AK9: variants seen among roughly 807,000 people sequenced by gnomAD.
The protein encoded by AK9 is adenylate kinase domain containing 1.
In AK9, 191 loss-of-function variants were observed where a neutral mutation model predicts 239.6. The observed-to-expected ratio is 0.80, with a 90% confidence interval of 0.71 to 0.90. AK9 has a LOEUF of 0.90. Ranked by LOEUF, AK9 falls within the 40% of genes least tolerant of loss-of-function variation. The pLI, the probability that AK9 is intolerant of heterozygous loss-of-function variation, is 0.00. For missense variants in AK9, 1,995 were observed against 2,214.7 expected, an observed-to-expected ratio of 0.90 and a Z score of 1.99; for synonymous variants, 689 against 721.0, an observed-to-expected ratio of 0.96 and a Z score of 0.71.
chr6:109,648,441 C>T (rs1275845895), intron 8 of AK9, among the ~76,000 whole-genome samples: 1 of 152,172 alleles, frequency 6.6e-6, no homozygotes, highest in African/African-American at 2.4e-5. Flanking sequence ...TAGAAACTAT[C>T]ATAAGAGAAT....
At chr6:109,672,939 A>T (rs1583528946) in intron 3 of AK9, among the ~76,000 whole-genome samples, 1 of 152,192 alleles carries the variant, frequency 6.6e-6, no homozygotes, top group East Asian at 1.9e-4. Flanking sequence ...AAAGGAAATG[A>T]ATCAAGAAAT....
intron 24 of AK9, among the ~76,000 whole-genome samples, chr6:109,561,392 T>A (rs1785751661): frequency 6.6e-6 from 1 of 152,214 alleles, no homozygotes; most frequent in Non-Finnish European, 1.5e-5. Flanking sequence ...CTCAGCTCAC[T>A]GAAGCCTCGA....
chr6:109,495,260 C>A, intron 39 of AK9, 78 bp downstream of exon 39: 3 of 1,172,734 alleles, frequency 2.6e-6, no homozygotes, highest in East Asian at 5.1e-5. Flanking sequence ...TTATTGTTCC[C>A]AAAATGAAAA....
At chr6:109,548,931 G>T (rs1283138357) in intron 25 of AK9, among the ~76,000 whole-genome samples, 1 of 152,150 alleles carries the variant, frequency 6.6e-6, no homozygotes, top group African/African-American at 2.4e-5. Flanking sequence ...AAAGTGGACT[G>T]GTCAAGCACA....
At chr6:109,671,541 C>T (rs1248383728) in intron 5 of AK9, among the ~76,000 whole-genome samples, 1 of 152,184 alleles carries the variant, frequency 6.6e-6, no homozygotes, top group East Asian at 1.9e-4. Context: ...ACTTCCCACT[C>T]CCGCCTTCTA....
At chr6:109,685,063 A>C (rs1352027054) in intron 1 of AK9, among the ~76,000 whole-genome samples, 1 of 152,074 alleles carries the variant, frequency 6.6e-6, no homozygotes, top group African/African-American at 2.4e-5. Context: ...GGCAATCATT[A>C]AAAAGTCAGG....
chr6:109,499,786 G>T (rs1777415574), intron 35 of AK9, among the ~76,000 whole-genome samples: 1 of 152,116 alleles, frequency 6.6e-6, no homozygotes, highest in African/African-American at 2.4e-5. Flanking sequence ...TTTTAGTAGA[G>T]ACAGGGTTTT....
rs1780646814 is a variant in AK9 at position 109,527,281 on chromosome 6, C to T, written c.3633+1730G>A. On this transcript the variant is annotated intron_variant, in intron 29 of 40. Coordinates refer to ENST00000424296, the MANE Select transcript of AK9 (RefSeq NM_001145128.3). ...AATGTTGGAAATGTCCCATTCAGTGCTAAAAAGACAGTAAAGACAATGATT... is the reference window on the plus strand; with the variant it reads ...AATGTTGGAAATGTCCCATTCAGTGTTAAAAAGACAGTAAAGACAATGATT... Among the ~76,000 whole-genome samples, 2 of 152,164 alleles carry T rather than the reference C, an allele frequency of 1.3e-5. 1 individual carries two copies. Among genetic ancestry groups the T allele is most frequent in the Admixed American group, 1.3e-4 (2 of 15,278 alleles).
chr6:109,538,112 C>G (rs1582899814), intron 27 of AK9, among the ~76,000 whole-genome samples: 1 of 152,292 alleles, frequency 6.6e-6, no homozygotes, highest in East Asian at 1.9e-4. Context: ...CTGTAGATGT[C>G]TATTAGGTCC....
chr6:109,512,156 G>A (rs1410024679), intron 32 of AK9, among the ~76,000 whole-genome samples: 1 of 152,294 alleles, frequency 6.6e-6, no homozygotes, highest in Admixed American at 6.5e-5. Context: ...ACAGATTGCA[G>A]TAATGAAGCC....
chr6:109,671,913 A>T lies in AK9; in HGVS notation c.331+6T>A. On this transcript the variant is annotated splice_donor_region_variant and intron_variant, in intron 5 of 40. Transcript: ENST00000424296. ...GTGGGCTGTAAATATATTAAAATAA[A>T]CATACCAAAGTGACAGACTTCTGGG... is the stretch of plus-strand genomic sequence containing the variant. 1 of 1,611,818 alleles carries T rather than the reference A, an allele frequency of 6.2e-7. No individual in the cohort carries two copies. Among genetic ancestry groups the T allele is most frequent in the Non-Finnish European group, 8.5e-7 (1 of 1,178,402 alleles).
chr6:109,524,291 A>C (rs1780189035), intron 29 of AK9, among the ~76,000 whole-genome samples: 1 of 152,168 alleles, frequency 6.6e-6, no homozygotes, highest in Non-Finnish European at 1.5e-5. Flanking sequence ...AAAGATGGAA[A>C]AAAATCAACA....
intron 29 of AK9, among the ~76,000 whole-genome samples, chr6:109,522,844 ATGT>A (rs1334184747): frequency 1.3e-5 from 2 of 152,128 alleles, no homozygotes; most frequent in Admixed American, 6.6e-5. Flanking sequence ...TGAGCAGGTA[ATGT>A]TGTATCACAC....
rs565354998 is a variant in AK9, at chr6:109,537,563, G to T, written c.3351-4093C>A. Among the ~76,000 whole-genome samples the T allele has an allele frequency of 9.9e-4, 138 of 139,318 alleles. 22 individuals are homozygous for T. The highest frequency in any genetic ancestry group is 9.8e-3 in the Admixed American group (138 of 14,034). 91.4% of individuals were successfully genotyped at this position (139,318 alleles called of 152,430 possible). A position where few individuals can be genotyped will look rare whatever the true frequency, so the allele number is the denominator to read the frequency against. ...ATCTTTTCAAAAAAAGCAGCTCTTG[G>T]ATTCACTGATTTTTTGAAGGGTTTT... On this transcript the variant is annotated intron_variant, in intron 27 of 40. Coordinates refer to ENST00000424296, the MANE Select transcript of AK9 (RefSeq NM_001145128.3).
rs1205283652 is a variant in AK9, at chr6:109,546,069, C to T, written c.3023G>A (p.Gly1008Glu). The change falls in exon 26 of 41, where the codon GGA becomes GAA. Residue 1008 changes from glycine (G) to glutamate (E), a missense_variant. Physicochemically the swap from Gly to Glu is moderately conservative, Grantham distance 98. Transcript: ENST00000424296. ...GTTTAATTTTTCTGCCAACTGTCTT[C>T]CACACATAGTTTTGCCAGAGCCCTG... ...GPQGSGKTMC[G>E]RQLAEKLNIF... 1 of 1,612,758 alleles carries T rather than the reference C, an allele frequency of 6.2e-7. No individual in the cohort carries two copies. Among genetic ancestry groups the T allele is most frequent in the Non-Finnish European group, 8.5e-7 (1 of 1,179,528 alleles).
intron 39 of AK9, 52 bp downstream of exon 39, chr6:109,495,286 A>T (rs1776918793): frequency 7.3e-7 from 1 of 1,371,968 alleles, no homozygotes; most frequent in Non-Finnish European, 1.0e-6. Flanking sequence ...GTTAAAAAGA[A>T]GAAGTCATTG....
intron 12 of AK9, among the ~76,000 whole-genome samples, chr6:109,619,707 T>A (rs141971604): frequency 6.6e-6 from 1 of 152,018 alleles, no homozygotes. Context: ...TTTGGGAGGC[T>A]GAGACAGGAG....
intron 13 of AK9, among the ~76,000 whole-genome samples, chr6:109,616,105 C>T (rs912767828): frequency 2.0e-5 from 3 of 151,848 alleles, no homozygotes; most frequent in African/African-American, 7.3e-5. Context: ...CACTATTTGA[C>T]ATTAATTGCT....
intron 17 of AK9, among the ~76,000 whole-genome samples, chr6:109,594,946 TGC>T (rs1347526514): frequency 4.6e-5 from 7 of 152,200 alleles, no homozygotes; most frequent in Non-Finnish European, 8.8e-5. Flanking sequence ...GACATAGGCA[TGC>T]ACAAAGACTT....
Sources: gnomAD v4.1 joint callset for allele counts (sites outside exome capture counted in the v4.1 genomes callset) on GRCh38, gnomAD v4.1.1 for gene constraint, MANE v1.5 for transcripts, NCBI Gene and HGNC (gene_info 2026-07-23, HGNC 2026-07-21) for gene names.